The following EED variants were observed in gnomAD, a reference collection of about 807,000 sequenced individuals.
The protein encoded by EED is embryonic ectoderm development.
In EED, 9 loss-of-function variants were observed where a neutral mutation model predicts 61.0. That is an observed-to-expected ratio of 0.15 (90% CI 0.09 to 0.26). The LOEUF (loss-of-function observed/expected upper bound fraction) is 0.26. EED is among the 10% of genes least tolerant of loss of function. The pLI is 1.00. For missense variants in EED, 315 were observed against 542.3 expected (o/e 0.58, Z 4.16); for synonymous variants, 187 against 174.4 (o/e 1.07, Z -0.57).
Position 86,250,333 on chromosome 11 carries a change from A to G in EED, c.152A>G (p.Glu51Gly). The change falls in exon 2 of 12, where the codon GAA (glutamate) becomes GGA (glycine). Residue 51 changes from glutamate (E) to glycine (G), a missense_variant. By Grantham distance (98) the Glu-to-Gly change is moderately conservative (BLOSUM62 -2). Coordinates refer to ENST00000263360, the MANE Select transcript of EED (RefSeq NM_003797.5). ...AVSIESGTNT[E>G]RPDTPTNTPN... Reference sequence around the variant, plus strand: ...AGTATAGAAAGTGGTACAAACACTGAACGCCCTGATACACCTACAAACACG... The same window carrying G: ...AGTATAGAAAGTGGTACAAACACTGGACGCCCTGATACACCTACAAACACG... 1 of 1,603,500 alleles carries G rather than the reference A, an allele frequency of 6.2e-7. No homozygotes were observed. The highest frequency in any genetic ancestry group is 8.5e-7 in the Non-Finnish European group (1 of 1,175,944).
intron 9 of EED, among the ~76,000 whole-genome samples, chr11:86,271,444 A>C (rs1349802835): frequency 6.6e-6 from 1 of 152,162 alleles, no homozygotes; most frequent in Non-Finnish European, 1.5e-5. Flanking sequence ...CTATCATGTG[A>C]TCTGCAAATA....
chr11:86,281,322 C>T (rs897061569), downstream of EED, among the ~76,000 whole-genome samples: 8 of 151,786 alleles, frequency 5.3e-5, no homozygotes, highest in African/African-American at 1.9e-4. Flanking sequence ...GTAATATTTC[C>T]TCTTTCATTT....
intron 3 of EED, among the ~76,000 whole-genome samples, chr11:86,254,239 G>A (rs1427925283): frequency 6.6e-6 from 1 of 151,338 alleles, no homozygotes; most frequent in African/African-American, 2.4e-5. Flanking sequence ...TAAGCAAATT[G>A]TAGACTTTTA....
intron 8 of EED, among the ~76,000 whole-genome samples, chr11:86,267,379 T>C (rs1251756596): frequency 6.6e-6 from 1 of 152,214 alleles, no homozygotes; most frequent in Non-Finnish European, 1.5e-5. Flanking sequence ...AGAGGACATA[T>C]GAATTGCCTA....
chr11:86,251,715 G>C (rs1945535630), intron 2 of EED, among the ~76,000 whole-genome samples: 1 of 152,080 alleles, frequency 6.6e-6, no homozygotes, highest in Non-Finnish European at 1.5e-5. Flanking sequence ...CACTTTACAA[G>C]GGAAAAATTT....
chr11:86,269,032 G>A (rs1206426709), intron 9 of EED, among the ~76,000 whole-genome samples: 2 of 152,078 alleles, frequency 1.3e-5, no homozygotes, highest in African/African-American at 4.8e-5. Flanking sequence ...GGATTACATC[G>A]TGATAAACCC....
intron 6 of EED, among the ~76,000 whole-genome samples, chr11:86,262,845 G>T (rs996123082): frequency 4.8e-5 from 7 of 144,842 alleles, no homozygotes; most frequent in Non-Finnish European, 9.1e-5. Flanking sequence ...GACAGGGTTG[G>T]TCTCTGTCAC....
chr11:86,256,342 T>G, intron 4 of EED, 45 bp from the exon 5 acceptor site: 2 of 1,466,296 alleles, frequency 1.4e-6, no homozygotes, highest in Non-Finnish European at 1.8e-6. Context: ...ATTGACATGT[T>G]TCTTTTTCAA....
chr11:86,286,010 G>T, the EED span, among the ~76,000 whole-genome samples: 9 of 151,278 alleles, frequency 5.9e-5, no homozygotes, highest in African/African-American at 2.2e-4. Flanking sequence ...CTTACCAGGG[G>T]AGTGGAAACT....
chr11:86,269,405 G>A (rs1565701328), intron 9 of EED, among the ~76,000 whole-genome samples: 2 of 152,100 alleles, frequency 1.3e-5, no homozygotes. Flanking sequence ...TGTTACATGA[G>A]CATTTAGGAT....
rs1028600538 is a variant in EED at position 86,245,183 on chromosome 11, G to C, written c.-47G>C. 1.3e-6 allele frequency: 2 copies of C among 1,536,168 alleles called. No individual in the cohort carries two copies. Among genetic ancestry groups the C allele is most frequent in the African/African-American group, 2.8e-5 (2 of 72,398 alleles). ...CGGGCTTGCTTGACGGCGGTGTGGC[G>C]GAGGCCCCGCCCCAGGCGGCAGGAA... On this transcript the variant is annotated 5_prime_UTR_variant, in exon 1 of 12. Coordinates refer to ENST00000263360, the MANE Select transcript of EED (RefSeq NM_003797.5).
chr11:86,261,291 C>G (rs2138180417), intron 6 of EED, among the ~76,000 whole-genome samples: 1 of 152,336 alleles, frequency 6.6e-6, no homozygotes, highest in East Asian at 1.9e-4. Context: ...AAATCCAAAA[C>G]TCAACAGAAC....
At chr11:86,277,192 A>C (rs1277978899) in intron 10 of EED, 54 bp downstream of exon 10, 1 of 1,467,734 alleles carries the variant, frequency 6.8e-7, no homozygotes, top group Non-Finnish European at 9.2e-7. Flanking sequence ...AGACCATTGT[A>C]ATTCTAGCTT....
chr11:86,258,528 T>C (rs1945735796), intron 6 of EED, among the ~76,000 whole-genome samples: 1 of 151,536 alleles, frequency 6.6e-6, no homozygotes, highest in Non-Finnish European at 1.5e-5. Flanking sequence ...TATTACAACT[T>C]TTTTTTTCTC....
intron 1 of EED, 34 bp downstream of exon 1, chr11:86,245,377 G>A (rs1401571884): frequency 4.5e-6 from 7 of 1,547,942 alleles, no homozygotes; most frequent in Non-Finnish European, 5.3e-6. Flanking sequence ...CGAGACTGCG[G>A]AGTGAAAGTT....
intron 9 of EED, among the ~76,000 whole-genome samples, chr11:86,268,873 G>A (rs912767697): frequency 2.6e-5 from 4 of 152,092 alleles, no homozygotes; most frequent in Non-Finnish European, 5.9e-5. Context: ...AAAGCCAACA[G>A]AATTGGCTTT....
intron 1 of EED, among the ~76,000 whole-genome samples, chr11:86,247,365 A>G (rs1945416853): frequency 6.6e-6 from 1 of 152,230 alleles, no homozygotes. Context: ...ATAAAATTGT[A>G]CACCATGTTA....
chr11:86,276,850 G>A lies in EED; in HGVS notation c.967-130G>A, dbSNP rs1041240432. The A allele has an allele frequency of 7.2e-6, 5 of 696,640 alleles. No individual in the cohort carries two copies. In the South Asian group the frequency reaches 1.2e-4, roughly 16 times the overall value. 43.2% of individuals were successfully genotyped at this position (696,640 alleles called of 1,614,324 possible). On this transcript the variant is annotated intron_variant, in intron 9 of 11. Coordinates refer to ENST00000263360, the MANE Select transcript of EED (RefSeq NM_003797.5). ...TAAATATAAATGAATGTACATCACT[G>A]TACTTGATAGATGGATTAACCAGGT...
chr11:86,273,976 C>T (rs1486369645), intron 9 of EED, among the ~76,000 whole-genome samples: 1 of 152,126 alleles, frequency 6.6e-6, no homozygotes, highest in East Asian at 1.9e-4. Flanking sequence ...GATGTTTTGT[C>T]CCAGGTTTGG....
Sources: gnomAD v4.1 joint callset for allele counts (sites outside exome capture counted in the v4.1 genomes callset) on GRCh38, gnomAD v4.1.1 for gene constraint, MANE v1.5 for transcripts, NCBI Gene and HGNC (gene_info 2026-07-23, HGNC 2026-07-21) for gene names.